The following CTNNA2 variants were observed in gnomAD, a reference collection of about 807,000 sequenced individuals.
The protein encoded by CTNNA2 is catenin alpha-2.
Under a neutral mutation model 101.0 loss-of-function variants are expected in CTNNA2, and 42 were observed. The observed-to-expected ratio is 0.42, with a 90% confidence interval of 0.32 to 0.54. The LOEUF (loss-of-function observed/expected upper bound fraction) is 0.54. CTNNA2 is among the 20% of genes least tolerant of loss of function. CTNNA2 has a pLI of 0.14. For synonymous variants in CTNNA2, 450 were observed against 456.4 expected, an observed-to-expected ratio of 0.99 and a Z score of 0.18; for missense variants, 871 against 1,223.1, an observed-to-expected ratio of 0.71 and a Z score of 4.29.
At chr2:79,363,848 A>C (rs1340312470) in intron 3 of CTNNA2, among the ~76,000 whole-genome samples, 1 of 152,216 alleles carries the variant, frequency 6.6e-6, no homozygotes, top group Non-Finnish European at 1.5e-5. Flanking sequence ...CAGGACAGGC[A>C]ATCACTCTCC....
intron 3 of CTNNA2, among the ~76,000 whole-genome samples, chr2:79,771,837 C>G (rs188797016): frequency 6.6e-6 from 1 of 152,276 alleles, no homozygotes; most frequent in Non-Finnish European, 1.5e-5. Flanking sequence ...AATTATCTTC[C>G]AAACTGAGAA....
At chr2:79,491,788 C>T (rs1671208952) in intron 4 of CTNNA2, among the ~76,000 whole-genome samples, 2 of 152,160 alleles carry the variant, frequency 1.3e-5, no homozygotes, top group Non-Finnish European at 2.9e-5. Context: ...TAGATACAAC[C>T]ATGCTTTTAA....
intron 3 of CTNNA2, among the ~76,000 whole-genome samples, chr2:79,758,973 G>A (rs763490022): frequency 1.3e-5 from 2 of 152,162 alleles, no homozygotes; most frequent in Non-Finnish European, 2.9e-5. Context: ...GCTCTTTGAA[G>A]TGATATATAG....
chr2:79,303,747 ATTAC>A (rs1168627720), intron 2 of CTNNA2, among the ~76,000 whole-genome samples: 3 of 151,978 alleles, frequency 2.0e-5, no homozygotes, highest in African/African-American at 7.2e-5. Flanking sequence ...AAGCAATTTT[ATTAC>A]TTACAGATTC....
intron 1 of CTNNA2, among the ~76,000 whole-genome samples, chr2:79,577,094 A>G (rs1675847052): frequency 1.3e-5 from 2 of 152,250 alleles, no homozygotes; most frequent in East Asian, 1.9e-4. Flanking sequence ...TGTGAGAACC[A>G]TAGTTCACTT....
At chr2:80,070,180 T>C (rs779971550) in intron 7 of CTNNA2, among the ~76,000 whole-genome samples, 4 of 152,186 alleles carry the variant, frequency 2.6e-5, no homozygotes, top group Non-Finnish European at 4.4e-5. Context: ...TCTAACTAAC[T>C]TTGCAATAAA....
chr2:80,055,234 G>A (rs565180404), intron 7 of CTNNA2, among the ~76,000 whole-genome samples: 8 of 152,116 alleles, frequency 5.3e-5, no homozygotes, highest in African/African-American at 1.7e-4. Context: ...TCACTATGTT[G>A]TCCAGGCTGG....
At chr2:79,383,773 C>T (rs1678066774) in intron 4 of CTNNA2, among the ~76,000 whole-genome samples, 1 of 152,186 alleles carries the variant, frequency 6.6e-6, no homozygotes, top group Non-Finnish European at 1.5e-5. Flanking sequence ...ATTTGAAAAG[C>T]ATTTGTTTCC....
At chr2:79,499,806 C>G (rs1269973770) in intron 4 of CTNNA2, among the ~76,000 whole-genome samples, 1 of 152,202 alleles carries the variant, frequency 6.6e-6, no homozygotes, top group African/African-American at 2.4e-5. Flanking sequence ...TATCAGAGTT[C>G]TCCAGAGAAA....
At chr2:79,356,937 G>T (rs1001600191) in intron 3 of CTNNA2, among the ~76,000 whole-genome samples, 5 of 152,112 alleles carry the variant, frequency 3.3e-5, no homozygotes, top group African/African-American at 4.8e-5. Flanking sequence ...TCAAGAAAAT[G>T]GATGACAAAA....
chr2:80,545,128 G>T (rs1286906591), intron 10 of CTNNA2, 54 bp downstream of exon 10: 18 of 1,519,808 alleles, frequency 1.2e-5, no homozygotes, highest in Non-Finnish European at 1.6e-5. Context: ...CTCCACTCCA[G>T]CCCTTGTGCC....
At chr2:80,608,127 A>C in intron 16 of CTNNA2, 57 bp from the exon 17 acceptor site, 2 of 1,503,694 alleles carry the variant, frequency 1.3e-6, no homozygotes, top group South Asian at 1.3e-5. Context: ...TTCTATAACA[A>C]ATGTTAGAAA....
chr2:79,266,490 T>C (rs1361786681), intron 2 of CTNNA2, among the ~76,000 whole-genome samples: 1 of 152,218 alleles, frequency 6.6e-6, no homozygotes, highest in African/African-American at 2.4e-5. Flanking sequence ...TAATATCCCA[T>C]GTAAAACACC....
intron 18 of CTNNA2, among the ~76,000 whole-genome samples, chr2:80,620,442 T>C: frequency 6.6e-6 from 1 of 151,872 alleles, no homozygotes; most frequent in Middle Eastern, 3.2e-3. Context: ...TACTGCCCTC[T>C]TTAGTACCCT....
At chr2:79,482,250 G>T (rs1346743381) in intron 4 of CTNNA2, among the ~76,000 whole-genome samples, 3 of 152,164 alleles carry the variant, frequency 2.0e-5, no homozygotes, top group Non-Finnish European at 4.4e-5. Flanking sequence ...AACATCAAGG[G>T]TCTCAAAGGA....
At chr2:79,706,849 C>A (rs1248541370) in intron 2 of CTNNA2, among the ~76,000 whole-genome samples, 2 of 152,222 alleles carry the variant, frequency 1.3e-5, no homozygotes, top group Non-Finnish European at 2.9e-5. Flanking sequence ...TACTTTATTT[C>A]TTTGAAGTTC....
At chr2:79,759,869 G>C (rs1434039842) in intron 3 of CTNNA2, among the ~76,000 whole-genome samples, 1 of 151,988 alleles carries the variant, frequency 6.6e-6, no homozygotes, top group Non-Finnish European at 1.5e-5. Context: ...TCAGAAATGG[G>C]ACTAAAAATC....
intron 7 of CTNNA2, among the ~76,000 whole-genome samples, chr2:79,956,843 G>GTTTTTTGTTTTTTTTT (rs1553413397): frequency 4.2e-4 from 42 of 98,914 alleles, no homozygotes; most frequent in African/African-American, 1.9e-3. Flanking sequence ...ATACGTGTGG[G>GTTTTTTGTTTTTTTTT]TTTTTTTTTT....
chr2:79,427,605 C>T (rs1036990497), intron 4 of CTNNA2, among the ~76,000 whole-genome samples: 8 of 145,908 alleles, frequency 5.5e-5, no homozygotes, highest in African/African-American at 7.6e-5. Context: ...TCTCTAGGAA[C>T]GTTCTTTCTT....
Sources: allele counts gnomAD v4.1 joint callset (sites outside exome capture counted in the v4.1 genomes callset), GRCh38; gene constraint gnomAD v4.1.1; transcripts MANE v1.5; gene names NCBI Gene and HGNC (gene_info 2026-07-23, HGNC 2026-07-21).